Variants in KLHL12 observed in about 807,000 individuals in gnomAD.
The protein encoded by KLHL12 is kelch-like protein 12.
KLHL12 carries 17 observed loss-of-function variants against 60.8 expected under a neutral mutation model. The ratio of observed to expected loss-of-function variants is 0.28; its 90% confidence interval spans 0.19 to 0.42. The LOEUF (loss-of-function observed/expected upper bound fraction) is 0.42. Ranked by LOEUF, KLHL12 falls within the 10% of genes least tolerant of loss-of-function variation. The pLI is 1.00. For synonymous variants in KLHL12, 220 were observed against 250.9 expected (o/e 0.88, Z 1.16); for missense variants, 468 against 722.3 (o/e 0.65, Z 4.04).
At chr1:202,918,085 C>A in intron 4 of KLHL12, 86 bp downstream of exon 4, 2 of 941,584 alleles carry the variant, frequency 2.1e-6, no homozygotes, top group South Asian at 3.0e-5. Flanking sequence ...AATTATGAAG[C>A]CCTGATGGTA....
intron 6 of KLHL12, among the ~76,000 whole-genome samples, chr1:202,901,879 T>TTTC (rs1185670341): frequency 6.6e-6 from 1 of 152,216 alleles, no homozygotes; most frequent in African/African-American, 2.4e-5. Flanking sequence ...CAAAAATGAT[T>TTTC]TTCTTTTAGA....
Position 202,911,051 on chromosome 1 carries a change from T to C in KLHL12, c.717+3A>G, listed in dbSNP as rs1392111150. The C allele has an allele frequency of 1.2e-6, 2 of 1,613,796 alleles. No homozygotes were observed. The highest frequency in any genetic ancestry group is 1.3e-5 in the African/African-American group (1 of 74,898). ...TGGATCCTGAGAGTGTTGCACTACT[T>C]ACCTCAGCATCTATTACATCTGTGA... On this transcript the variant is annotated splice_donor_region_variant and intron_variant, in intron 5 of 11. Coordinates refer to ENST00000367261, the MANE Select transcript of KLHL12 (RefSeq NM_021633.4).
At chr1:202,911,673 C>T (rs1660365986) in intron 4 of KLHL12, 2 of 497,718 alleles carry the variant, frequency 4.0e-6, no homozygotes, top group African/African-American at 3.8e-5. Context: ...CAGGCTCACC[C>T]CTCAAACTGT....
chr1:202,892,215 T>C lies in KLHL12; in HGVS notation c.*318A>G. The stretch of plus-strand genomic sequence containing the variant: ...TCTTTGCAACATATGAGGCACAACA[T>C]ACATATAGTACACCAAGCATGTGGT... On this transcript the variant is annotated 3_prime_UTR_variant, in exon 12 of 12. Transcript: ENST00000367261. The C allele has an allele frequency of 3.8e-6, 1 of 266,422 alleles. No homozygotes were observed. The highest frequency in any genetic ancestry group is 7.3e-6 in the Non-Finnish European group (1 of 137,196). 16.5% of individuals were successfully genotyped at this position (266,422 alleles called of 1,614,324 possible).
intron 6 of KLHL12, among the ~76,000 whole-genome samples, chr1:202,902,073 A>C (rs540695210): frequency 1.3e-5 from 2 of 152,218 alleles, no homozygotes; most frequent in East Asian, 3.8e-4. Flanking sequence ...CCATAGTTCC[A>C]CAATACAAAG....
rs1026512575 is a variant in KLHL12, at chr1:202,896,875, A to G, written c.918T>C (p.Thr306=). ...IDVVEKYDPK[T]QEWSFLPSIT... ...TTACTGGCAAAAAGCTCCACTCCTG[A>G]GTCTTGGGGTCATATTTCTCTACCA... The change falls in exon 7 of 12, where the codon ACT becomes ACC. Residue 306 remains threonine, a synonymous_variant. Transcript: ENST00000367261. 1.2e-6 allele frequency: 2 copies of G among 1,613,900 alleles called. No individual in the cohort carries two copies. Among genetic ancestry groups the G allele is most frequent in the Admixed American group, 1.7e-5 (1 of 59,990 alleles).
In KLHL12 at chr1:202,907,287, A is replaced by G. The variant is rs148742366; in HGVS notation, c.832+1723T>C. On this transcript the variant is annotated intron_variant, in intron 6 of 11. Coordinates refer to ENST00000367261, the MANE Select transcript of KLHL12 (RefSeq NM_021633.4). ...TCTACAAGTTCTACATTGAACATGC[A>G]GTACTTATGCCATTAAAAAATATAG... 5.3e-3 allele frequency among the ~76,000 whole-genome samples: 813 copies of G among 152,258 alleles called. 9 individuals carry two copies. Among genetic ancestry groups the G allele is most frequent in the African/African-American group, 0.019 (777 of 41,550 alleles).
chr1:202,902,322 C>T (rs1309930013), intron 6 of KLHL12, among the ~76,000 whole-genome samples: 1 of 151,680 alleles, frequency 6.6e-6, no homozygotes, highest in South Asian at 2.1e-4. Flanking sequence ...CTCAGCTACT[C>T]GGGAGGCTGA....
upstream of KLHL12, chr1:202,928,375 G>A: frequency 1.9e-6 from 1 of 527,998 alleles, no homozygotes; most frequent in Non-Finnish European, 3.4e-6. Flanking sequence ...ACAGCTCGGC[G>A]ATTGGCTGAG....
At chr1:202,903,460 GTT>G (rs11404714) in intron 6 of KLHL12, among the ~76,000 whole-genome samples, 1 of 132,468 alleles carries the variant, frequency 7.5e-6, no homozygotes, top group East Asian at 2.2e-4. Context: ...ATGCATTCTT[GTT>G]TTTTTTTTCT....
intron 6 of KLHL12, among the ~76,000 whole-genome samples, chr1:202,904,481 C>G (rs973392313): frequency 3.3e-5 from 5 of 152,036 alleles, no homozygotes; most frequent in Admixed American, 2.6e-4. Flanking sequence ...TGTTTTAACC[C>G]TAAGTTGGAG....
intron 6 of KLHL12, among the ~76,000 whole-genome samples, chr1:202,904,471 T>C (rs191859078): frequency 6.6e-6 from 1 of 152,364 alleles, no homozygotes; most frequent in African/African-American, 2.4e-5. Flanking sequence ...AAGGTTTTAA[T>C]GTTTTAACCC....
intron 6 of KLHL12, among the ~76,000 whole-genome samples, chr1:202,898,043 C>A (rs1409659773): frequency 6.6e-6 from 1 of 151,960 alleles, no homozygotes; most frequent in Admixed American, 6.6e-5. Flanking sequence ...CTTCCCCTTC[C>A]CCTAACGCCT....
intron 8 of KLHL12, 100 bp from the exon 9 acceptor site, chr1:202,894,849 C>A: frequency 1.1e-6 from 1 of 929,326 alleles, no homozygotes; most frequent in Non-Finnish European, 1.7e-6. Context: ...AGTCTGAGAG[C>A]AAAAACAAAG....
At position 202,892,679 on chromosome 1, in the gene KLHL12, A is replaced by C; in HGVS notation, c.1581-20T>G. 1 of 1,611,818 alleles carries C rather than the reference A, an allele frequency of 6.2e-7. No homozygotes were observed. The highest frequency in any genetic ancestry group is 8.5e-7 in the Non-Finnish European group (1 of 1,178,244). On this transcript the variant is annotated intron_variant, in intron 11 of 11. Coordinates refer to ENST00000367261, the MANE Select transcript of KLHL12 (RefSeq NM_021633.4). ...TCATATCTGAGTGGGAAAGAAGCAA[A>C]AGAAAGAAATGAGTCAGCTGCGTGC...
chr1:202,926,723 C>T (rs1653577681), intron 1 of KLHL12, among the ~76,000 whole-genome samples: 1 of 152,154 alleles, frequency 6.6e-6, no homozygotes. Context: ...CTGAAGTGAC[C>T]TATTTTCTAG....
rs141073040 is a variant in KLHL12, at chr1:202,925,291, C to A, written c.-45-84G>T. ...TTTAATTAGCTTTACAAATTAAGAA[C>A]CTAAGAGGCTTCCTCAGACCCAAAC... On this transcript the variant is annotated intron_variant, in intron 1 of 11. Coordinates refer to ENST00000367261, the MANE Select transcript of KLHL12 (RefSeq NM_021633.4). The A allele has an allele frequency of 1.6e-3, 2,256 of 1,448,876 alleles. 32 individuals carry two copies. The African/African-American group carries it at 0.029, about 19-fold the overall frequency. 89.8% of individuals were successfully genotyped at this position (1,448,876 alleles called of 1,614,324 possible).
At chr1:202,922,620 G>A (rs1365030790) in intron 2 of KLHL12, among the ~76,000 whole-genome samples, 1 of 151,542 alleles carries the variant, frequency 6.6e-6, no homozygotes, top group Non-Finnish European at 1.5e-5. Flanking sequence ...CCGAGTGGCT[G>A]GGACTACAGG....
chr1:202,911,456 A>ATCTC lies in KLHL12; in HGVS notation c.568-257_568-254dup, dbSNP rs10577552. Reference sequence around the variant, plus strand: ...TACACACACACATATATATATATGTATCTCTCTCTCTCTCTCTCTCTCTAA... The same window carrying ATCTC: ...TACACACACACATATATATATATGTATCTCTCTCTCTCTCTCTCTCTCTCTCTAA... On this transcript the variant is annotated intron_variant, in intron 4 of 11. Transcript: ENST00000367261. 4.1e-3 allele frequency among the ~76,000 whole-genome samples: 608 copies of ATCTC among 149,340 alleles called. 3 individuals are homozygous for ATCTC. Among genetic ancestry groups the ATCTC allele is most frequent in the African/African-American group, 0.014 (578 of 40,576 alleles).
Sources: gnomAD v4.1 joint callset for allele counts (sites outside exome capture counted in the v4.1 genomes callset) on GRCh38, gnomAD v4.1.1 for gene constraint, MANE v1.5 for transcripts, NCBI Gene and HGNC (gene_info 2026-07-23, HGNC 2026-07-21) for gene names.